SHOC1: variants seen among roughly 807,000 people sequenced by gnomAD.
SHOC1 encodes protein shortage in chiasmata 1 ortholog.
SHOC1 carries 136 observed loss-of-function variants against 179.2 expected under a neutral mutation model. That is an observed-to-expected ratio of 0.76 (90% CI 0.66 to 0.87). The LOEUF is 0.87. Ranked by LOEUF, SHOC1 falls within the 40% of genes least tolerant of loss-of-function variation. SHOC1 has a pLI of 0.00. For missense variants in SHOC1, 1,538 were observed against 1,700.8 expected (o/e 0.90, Z 1.68); for synonymous variants, 489 against 586.6 (o/e 0.83, Z 2.41).
rs576758517 is a variant in SHOC1 at position 111,756,777 on chromosome 9, T to C, written c.709-299A>G. ...TTTGGCTAATAGCAAATTGTAAACA[T>C]TTTAAATTAAAAACAGTCACTGCAG... On this transcript the variant is annotated intron_variant, in intron 7 of 27. Transcript: ENST00000682961. 1.6e-4 allele frequency among the ~76,000 whole-genome samples: 25 copies of C among 152,290 alleles called. No individual in the cohort carries two copies. In the South Asian group the frequency reaches 5.0e-3, roughly 30 times the overall value.
intron 8 of SHOC1, among the ~76,000 whole-genome samples, chr9:111,748,748 TTTTCCTTCCTTCC>T (rs1307168411): frequency 2.8e-4 from 13 of 46,862 alleles, no homozygotes; most frequent in African/African-American, 3.8e-4. Flanking sequence ...TGCCTTCCTT[TTTTCCTTCCTTCC>T]TTTCCTTCCT....
intron 9 of SHOC1, 79 bp from the exon 10 acceptor site, chr9:111,746,421 T>G: frequency 2.4e-6 from 2 of 838,128 alleles, no homozygotes; most frequent in Non-Finnish European, 3.9e-6. Context: ...ACACCTGTAA[T>G]TCTAACACTT....
intron 2 of SHOC1, among the ~76,000 whole-genome samples, chr9:111,787,583 A>C (rs1191711123): frequency 6.6e-6 from 1 of 152,244 alleles, no homozygotes. Context: ...ACAGATGAGG[A>C]GCTGCTTCTT....
At chr9:111,698,127 C>T (rs1016484493) in intron 24 of SHOC1, among the ~76,000 whole-genome samples, 1 of 152,132 alleles carries the variant, frequency 6.6e-6, no homozygotes, top group African/African-American at 2.4e-5. Flanking sequence ...AAAATGTTCT[C>T]CCATTCTGTA....
intron 2 of SHOC1, among the ~76,000 whole-genome samples, chr9:111,786,659 C>G (rs764228453): frequency 1.3e-5 from 2 of 151,934 alleles, no homozygotes; most frequent in Non-Finnish European, 2.9e-5. Context: ...CGTTATTATT[C>G]TATATGTTAT....
At chr9:111,731,241 T>G (rs1368600488) in intron 12 of SHOC1, among the ~76,000 whole-genome samples, 2 of 152,222 alleles carry the variant, frequency 1.3e-5, no homozygotes, top group African/African-American at 2.4e-5. Context: ...AAGTAGCACT[T>G]TTAATTTCCT....
intron 27 of SHOC1, among the ~76,000 whole-genome samples, chr9:111,688,456 C>T (rs1184304967): frequency 6.6e-6 from 1 of 151,946 alleles, no homozygotes; most frequent in Non-Finnish European, 1.5e-5. Flanking sequence ...TCCAGTTAAC[C>T]AATACAAAGT....
At chr9:111,793,373 A>G (rs1206327978) in intron 1 of SHOC1, among the ~76,000 whole-genome samples, 2 of 152,178 alleles carry the variant, frequency 1.3e-5, no homozygotes, top group Non-Finnish European at 2.9e-5. Flanking sequence ...GAAGCCTAGT[A>G]TTTCTATCAC....
intron 12 of SHOC1, among the ~76,000 whole-genome samples, chr9:111,728,585 G>A (rs893224882): frequency 6.6e-6 from 1 of 152,114 alleles, no homozygotes; most frequent in Admixed American, 6.5e-5. Flanking sequence ...TGTCACAAAA[G>A]GCCACATATT....
At position 111,694,408 on chromosome 9, in the gene SHOC1, A is replaced by T. The variant is rs1296733380; in HGVS notation, c.3184-46T>A. The T allele has an allele frequency of 2.2e-6, 3 of 1,385,756 alleles. No individual in the cohort carries two copies. The African/African-American group carries it at 4.3e-5, about 20-fold the overall frequency. 85.8% of individuals were successfully genotyped at this position (1,385,756 alleles called of 1,614,324 possible). On this transcript the variant is annotated intron_variant, in intron 24 of 27. Transcript: ENST00000682961. ...TAGATTATAGGAAATACTAGGAAGC[A>T]AAATATAATATTTTTTAAACAGTTT...
intron 11 of SHOC1, among the ~76,000 whole-genome samples, chr9:111,738,846 T>G (rs1438241957): frequency 6.6e-6 from 1 of 152,316 alleles, no homozygotes; most frequent in East Asian, 1.9e-4. Context: ...ATGTTTAACA[T>G]TTTGAAGTAA....
intron 5 of SHOC1, 59 bp from the exon 6 acceptor site, chr9:111,758,907 A>C: frequency 9.5e-7 from 1 of 1,047,462 alleles, no homozygotes; most frequent in Non-Finnish European, 1.4e-6. Context: ...ATCCAAAGAG[A>C]TCTAGATAGT....
chr9:111,723,124 TGGCAA>T (rs1254947643), intron 14 of SHOC1, among the ~76,000 whole-genome samples: 2 of 152,198 alleles, frequency 1.3e-5, no homozygotes, highest in Non-Finnish European at 2.9e-5. Context: ...TAACTTGACA[TGGCAA>T]ATATAAAGAC....
intron 12 of SHOC1, among the ~76,000 whole-genome samples, chr9:111,733,844 C>A (rs1833699187): frequency 6.7e-6 from 1 of 148,636 alleles, no homozygotes. Context: ...GGCAACAGAG[C>A]AAGACTCTGT....
intron 3 of SHOC1, among the ~76,000 whole-genome samples, chr9:111,781,724 G>GTAAATAAATAAA (rs58575917): frequency 0.11 from 15,483 of 134,980 alleles, 1,457 homozygotes; most frequent in African/African-American, 0.26. Flanking sequence ...GTGAGACTCT[G>GTAAATAAATAAA]TAAATAAATA....
Position 111,705,358 on chromosome 9 carries a change from G to T in SHOC1, c.2744C>A (p.Thr915Asn), listed in dbSNP as rs375746917. 2.0e-6 allele frequency: 3 copies of T among 1,491,652 alleles called. No individual in the cohort carries two copies. Among genetic ancestry groups the T allele is most frequent in the Non-Finnish European group, 2.7e-6 (3 of 1,114,848 alleles). The allele number at this position is 1,491,652 out of a possible 1,614,324, so 92.4% of individuals were successfully genotyped here. The change falls in exon 21 of 28, where the codon ACC becomes AAC. Residue 915 changes from threonine to asparagine, a missense_variant. Thr to Asn is a moderately conservative substitution (Grantham distance 65, BLOSUM62 0). Coordinates refer to ENST00000682961, the MANE Select transcript of SHOC1 (RefSeq NM_001378211.1). ...ILPDTVLERSTLLDRFGGFLL... is the reference protein window; with the variant it reads ...ILPDTVLERSNLLDRFGGFLL... Reference sequence around the variant, plus strand: ...AAAACCTCCAAATCTATCCAGCAAGGTGCTTCCTAAATAAGAGAAAATTTA... The same window carrying T: ...AAAACCTCCAAATCTATCCAGCAAGTTGCTTCCTAAATAAGAGAAAATTTA...
At position 111,712,030 on chromosome 9, in the gene SHOC1, T is replaced by A. The variant is rs76015146; in HGVS notation, c.2488+1070A>T. ...AAAAAAGTAGCTAGTGGATTATAGA[T>A]CTCTAAGATGTTGAAGATCATGAAA... On this transcript the variant is annotated intron_variant, in intron 18 of 27. Transcript: ENST00000682961. Among the ~76,000 whole-genome samples, 37 of 152,214 alleles carry A rather than the reference T, an allele frequency of 2.4e-4. No homozygotes were observed. In the East Asian group the frequency reaches 6.7e-3, roughly 28 times the overall value.
Position 111,729,019 on chromosome 9 carries a change from T to C in SHOC1, c.1418-970A>G, listed in dbSNP as rs75368427. On this transcript the variant is annotated intron_variant, in intron 12 of 27. Coordinates refer to ENST00000682961, the MANE Select transcript of SHOC1 (RefSeq NM_001378211.1). The stretch of plus-strand genomic sequence containing the variant: ...CATTATGTCTAAACAAACAAGTACA[T>C]ACTTTAATTTTAAAATACTTTATTG... Among the ~76,000 whole-genome samples the C allele has an allele frequency of 3.6e-4, 55 of 152,344 alleles. No individual in the cohort carries two copies. The East Asian group carries it at 0.01, about 29-fold the overall frequency.
chr9:111,791,785 C>T lies in SHOC1; in HGVS notation c.-36-331G>A, dbSNP rs1836454838. Among the ~76,000 whole-genome samples the T allele has an allele frequency of 1.3e-5, 2 of 150,620 alleles. 1 individual carries two copies. The highest frequency in any genetic ancestry group is 4.3e-4 in the South Asian group (2 of 4,692). ...ATTTCTCAAGTGGTCTTGAGAATAA[C>T]CATATTTCTCAAGTGGTCTTGAGAA... On this transcript the variant is annotated intron_variant, in intron 1 of 27. Coordinates refer to ENST00000682961, the MANE Select transcript of SHOC1 (RefSeq NM_001378211.1).
Sources: gnomAD v4.1 joint callset for allele counts (sites outside exome capture counted in the v4.1 genomes callset) on GRCh38, gnomAD v4.1.1 for gene constraint, MANE v1.5 for transcripts, NCBI Gene and HGNC (gene_info 2026-07-23, HGNC 2026-07-21) for gene names.